Variants in DOCK10 observed in about 807,000 individuals in gnomAD.
DOCK10 encodes dedicator of cytokinesis protein 10.
Under a neutral mutation model 280.1 loss-of-function variants are expected in DOCK10, and 145 were observed. The observed-to-expected ratio is 0.52, with a 90% CI of 0.45 to 0.59. The LOEUF is 0.59. Among genes scored for constraint, DOCK10 ranks in the 20% least tolerant of loss-of-function variants. The pLI is 0.00. For missense variants in DOCK10, 2,368 were observed against 2,651.7 expected, an observed-to-expected ratio of 0.89 and a Z score of 2.35; for synonymous variants, 915 against 942.2, an observed-to-expected ratio of 0.97 and a Z score of 0.53.
At position 224,885,754 on chromosome 2, in the gene DOCK10, T is replaced by C. The variant is rs986021915; in HGVS notation, c.664A>G (p.Ile222Val). 1.2e-6 allele frequency: 2 copies of C among 1,613,736 alleles called. No homozygotes were observed. Among genetic ancestry groups the C allele is most frequent in the Non-Finnish European group, 1.7e-6 (2 of 1,179,810 alleles). Residue 222 changes from isoleucine (I) to valine (V), a missense_variant, in exon 7 of 56, where the codon ATT becomes GTT. By Grantham distance (29) the Ile-to-Val change is conservative. Transcript: ENST00000258390. Reference sequence around the variant, plus strand: ...TTCTCATCTTTGTAAAAGTTCATAATGTAGGAGTTATCTGGTAACTGAGTC... The same window carrying C: ...TTCTCATCTTTGTAAAAGTTCATAACGTAGGAGTTATCTGGTAACTGAGTC... ...QLTQLPDNSY[I>V]MNFYKDEKIS...
chr2:224,883,131 T>C (rs1699068761), intron 7 of DOCK10, among the ~76,000 whole-genome samples: 1 of 152,248 alleles, frequency 6.6e-6, no homozygotes, highest in South Asian at 2.1e-4. Context: ...CAGCTTTTTC[T>C]GTACAGACTT....
At chr2:225,030,006 TGTG>T (rs1348329644) in intron 1 of DOCK10, among the ~76,000 whole-genome samples, 1 of 150,076 alleles carries the variant, frequency 6.7e-6, no homozygotes, top group African/African-American at 2.5e-5. Context: ...ATTAACCAGG[TGTG>T]GTGGCACACA....
At chr2:224,981,617 G>C (rs1705750677) in intron 1 of DOCK10, among the ~76,000 whole-genome samples, 1 of 152,160 alleles carries the variant, frequency 6.6e-6, no homozygotes, top group Admixed American at 6.5e-5. Flanking sequence ...TTAAAGCACA[G>C]ACAAAAATGT....
chr2:224,895,829 GTGCGTGTGTGTGTA>G (rs1230283883), intron 4 of DOCK10, among the ~76,000 whole-genome samples: 4 of 108,754 alleles, frequency 3.7e-5, no homozygotes, highest in Admixed American at 1.0e-4. Context: ...GTGTGTGTGT[GTGCGTGTGTGTGTA>G]TATATATATA....
intron 3 of DOCK10, 135 bp downstream of exon 3, chr2:224,916,560 A>AT: frequency 1.9e-6 from 1 of 525,898 alleles, no homozygotes; most frequent in Non-Finnish European, 3.2e-6. Context: ...AAAAAAAAAA[A>AT]AAGACATCCA....
intron 42 of DOCK10, 64 bp downstream of exon 42, chr2:224,797,768 G>T: frequency 6.5e-7 from 1 of 1,543,792 alleles, no homozygotes; most frequent in Non-Finnish European, 8.8e-7. Flanking sequence ...ATTCCTATAG[G>T]TTTACTATTC....
Position 224,874,115 on chromosome 2 carries a change from C to T in DOCK10, c.1138G>A (p.Glu380Lys), listed in dbSNP as rs372594849. 2 of 1,607,642 alleles carry T rather than the reference C, an allele frequency of 1.2e-6. No individual in the cohort carries two copies. Among genetic ancestry groups the T allele is most frequent in the African/African-American group, 1.3e-5 (1 of 74,988 alleles). ...KLQKKDLLEP[E>K]SVIKPFEEKA... is the part of the protein sequence containing the mutation. ...TCTTCAAATGGTTTGATCACAGACT[C>T]AGGTTCCAAGAGATCTTTTTTTTGA... Residue 380 changes from glutamate (E) to lysine (K), a missense_variant, in exon 11 of 56, where the codon GAG (glutamate) becomes AAG (lysine). This residue lies in a region of DOCK10 where 1,209 missense variants were observed against 1,250.9 expected (regional missense o/e 0.97). Transcript: ENST00000258390.
At chr2:224,991,730 G>C (rs897227340) in intron 1 of DOCK10, among the ~76,000 whole-genome samples, 1 of 152,118 alleles carries the variant, frequency 6.6e-6, no homozygotes, top group Admixed American at 6.5e-5. Context: ...CCCACCAAAG[G>C]AAGGGACAGA....
intron 2 of DOCK10, among the ~76,000 whole-genome samples, chr2:224,931,232 AG>A (rs1412991895): frequency 6.6e-6 from 1 of 152,196 alleles, no homozygotes; most frequent in African/African-American, 2.4e-5. Context: ...TGGCTGAGGG[AG>A]GAAGTGCTCT....
chr2:224,886,595 TC>T, intron 4 of DOCK10, 64 bp from the exon 5 acceptor site: 1 of 1,343,406 alleles, frequency 7.4e-7, no homozygotes, highest in South Asian at 1.3e-5. Flanking sequence ...TTTAAGTTGC[TC>T]CCCAGGTAAC....
chr2:224,800,456 C>T (rs1452168777), intron 40 of DOCK10, among the ~76,000 whole-genome samples, 193 bp from the exon 41 acceptor site: 3 of 152,116 alleles, frequency 2.0e-5, no homozygotes, highest in Admixed American at 2.0e-4. Context: ...AGTGTGTGTG[C>T]CCTTTCCATA....
At chr2:224,782,571 C>T (rs867232191) in intron 50 of DOCK10, among the ~76,000 whole-genome samples, 21 of 152,054 alleles carry the variant, frequency 1.4e-4, no homozygotes, top group East Asian at 1.9e-4. Context: ...ATGCTGATGC[C>T]GGGTGTTGCA....
At chr2:224,980,057 G>T (rs1451544563) in intron 1 of DOCK10, among the ~76,000 whole-genome samples, 1 of 152,204 alleles carries the variant, frequency 6.6e-6, no homozygotes, top group Non-Finnish European at 1.5e-5. Context: ...GAAGTTTAGA[G>T]CCAGAGTAAG....
At chr2:224,870,815 A>ATTT (rs71410336) in intron 11 of DOCK10, among the ~76,000 whole-genome samples, 655 of 52,592 alleles carry the variant, frequency 0.012, 200 homozygotes, top group African/African-American at 0.063. Context: ...TGGCCACTCC[A>ATTT]TTTTTTTTTT....
intron 11 of DOCK10, among the ~76,000 whole-genome samples, chr2:224,869,557 A>G (rs148601674): frequency 1.1e-4 from 17 of 152,316 alleles, no homozygotes; most frequent in Admixed American, 5.2e-4. Flanking sequence ...GGCTGACATT[A>G]TTTTTTGTGT....
rs879487516 is a variant in DOCK10 at position 224,888,830 on chromosome 2, GAATA to G, written c.417-2303_417-2300del. Among the ~76,000 whole-genome samples the G allele has an allele frequency of 2.5e-3, 378 of 151,832 alleles. 1 individual carries two copies. Among genetic ancestry groups the G allele is most frequent in the Middle Eastern group, 0.01 (3 of 294 alleles). On this transcript the variant is annotated intron_variant, in intron 4 of 55. Coordinates refer to ENST00000258390, the MANE Select transcript of DOCK10 (RefSeq NM_014689.3). ...TATATATGTGTGTATGTATGTGTGT[GAATA>G]TGTATGTGTGAATATATTTGTGTGT...
intron 1 of DOCK10, among the ~76,000 whole-genome samples, chr2:224,984,920 C>T (rs1705926883): frequency 6.6e-6 from 1 of 150,750 alleles, no homozygotes; most frequent in South Asian, 2.1e-4. Context: ...TGGCTCACTG[C>T]AACCTCGGCC....
At chr2:224,958,931 T>C (rs1339986386) in intron 1 of DOCK10, among the ~76,000 whole-genome samples, 2 of 152,240 alleles carry the variant, frequency 1.3e-5, no homozygotes, top group African/African-American at 2.4e-5. Context: ...TAAAGTACAC[T>C]GACAAAGAGA....
chr2:224,812,471 C>T (rs546796166), intron 31 of DOCK10, among the ~76,000 whole-genome samples: 1 of 152,150 alleles, frequency 6.6e-6, no homozygotes, highest in Non-Finnish European at 1.5e-5. Flanking sequence ...AATTGAATAC[C>T]CTTTATTTCC....
Sources: allele counts gnomAD v4.1 joint callset (sites outside exome capture counted in the v4.1 genomes callset), GRCh38; gene constraint gnomAD v4.1.1; regional missense constraint gnomAD v4.1.1; transcripts MANE v1.5; gene names NCBI Gene and HGNC (gene_info 2026-07-23, HGNC 2026-07-21).